The following LY9 variants were observed in gnomAD, a reference collection of about 807,000 sequenced individuals.
The protein encoded by LY9 is lymphocyte antigen 9.
In LY9, 59 loss-of-function variants were observed where a neutral mutation model predicts 64.6. That is an observed-to-expected ratio of 0.91 (90% CI 0.74 to 1.13). The LOEUF (loss-of-function observed/expected upper bound fraction) is 1.13, where lower values mean the gene tolerates loss of function less well. Ranked by LOEUF, LY9 falls within the 50% of genes most tolerant of loss-of-function variation. LY9 has a pLI of 0.00. For missense variants in LY9, 789 were observed against 797.2 expected, an observed-to-expected ratio of 0.99 and a Z score of 0.12; for synonymous variants, 281 against 308.5, an observed-to-expected ratio of 0.91 and a Z score of 0.93.
chr1:160,798,013 C>A (rs1198968322), intron 1 of LY9, among the ~76,000 whole-genome samples: 4 of 152,038 alleles, frequency 2.6e-5, no homozygotes, highest in Non-Finnish European at 5.9e-5. Context: ...TTTGAATGCT[C>A]TTTTATTATT....
chr1:160,812,833 C>G (rs979691161), intron 2 of LY9: 3 of 152,154 alleles, frequency 2.0e-5, no homozygotes, highest in African/African-American at 7.2e-5. Context: ...TGCCTGTAAT[C>G]CCAGCACTTT....
intron 1 of LY9, 95 bp from the exon 2 acceptor site, chr1:160,799,658 G>T: frequency 1.3e-6 from 1 of 765,268 alleles, no homozygotes. Flanking sequence ...CTCAGCATCT[G>T]ACATTTATGC....
chr1:160,800,053 C>G lies in LY9; in HGVS notation c.425C>G (p.Thr142Ser). The change falls in exon 2 of 10, where the codon ACT becomes AGT. Residue 142 changes from threonine (T) to serine (S), a missense_variant. Transcript: ENST00000263285. ...QINQRNFEVTTEEEFTLFVYE... is the reference protein window; with the variant it reads ...QINQRNFEVTSEEEFTLFVYE... Reference sequence around the variant, plus strand: ...AACCAAAGGAATTTTGAAGTCACCACTGAGGAGGAATTCACCCTGTTCGTC... The same window carrying G: ...AACCAAAGGAATTTTGAAGTCACCAGTGAGGAGGAATTCACCCTGTTCGTC... 1 of 1,613,914 alleles carries G rather than the reference C, an allele frequency of 6.2e-7. No individual in the cohort carries two copies. Among genetic ancestry groups the G allele is most frequent in the Non-Finnish European group, 8.5e-7 (1 of 1,179,804 alleles).
chr1:160,808,708 T>C (rs946804769), intron 2 of LY9, among the ~76,000 whole-genome samples: 3 of 152,240 alleles, frequency 2.0e-5, no homozygotes, highest in Non-Finnish European at 4.4e-5. Context: ...AATTCCAGCA[T>C]TCTCCCTTGG....
chr1:160,805,724 G>GTCTC (rs879340552), intron 2 of LY9, among the ~76,000 whole-genome samples: 1 of 137,616 alleles, frequency 7.3e-6, no homozygotes, highest in Admixed American at 7.5e-5. Context: ...TTCTGTTGCA[G>GTCTC]TCTCTCTCTC....
intron 8 of LY9, 142 bp from the exon 9 acceptor site, chr1:160,824,039 C>A (rs1228894569): frequency 2.0e-6 from 2 of 991,910 alleles, no homozygotes; most frequent in East Asian, 4.8e-5. Flanking sequence ...ACCAGAGGCA[C>A]CGTCCCCACT....
intron 7 of LY9, among the ~76,000 whole-genome samples, chr1:160,820,539 A>G (rs1668335557): frequency 6.6e-6 from 1 of 152,238 alleles, no homozygotes; most frequent in Non-Finnish European, 1.5e-5. Flanking sequence ...TTCTGATGGA[A>G]AAGCATAACC....
At chr1:160,799,702 C>T (rs1201352725) in intron 1 of LY9, 51 bp from the exon 2 acceptor site, 5 of 1,140,872 alleles carry the variant, frequency 4.4e-6, no homozygotes, top group East Asian at 2.4e-5. Context: ...AGAAAGAAGG[C>T]TAGCTCAAGG....
chr1:160,797,955 CTTTGG>C (rs1388686231), intron 1 of LY9, among the ~76,000 whole-genome samples: 3 of 152,030 alleles, frequency 2.0e-5, no homozygotes, highest in Non-Finnish European at 4.4e-5. Context: ...TACGTGCATT[CTTTGG>C]AAACTATTAA....
intron 2 of LY9, among the ~76,000 whole-genome samples, chr1:160,804,586 A>G (rs997233173): frequency 6.6e-6 from 1 of 152,022 alleles, no homozygotes; most frequent in African/African-American, 2.4e-5. Flanking sequence ...TGGTATTAGC[A>G]TAATGCTGGC....
intron 2 of LY9, chr1:160,811,391 G>A (rs970711902): frequency 1.3e-5 from 2 of 152,136 alleles, no homozygotes; most frequent in African/African-American, 4.8e-5. Context: ...CACAATCTTT[G>A]TGTTCTCTCC....
Position 160,824,263 on chromosome 1 carries a change from C to T in LY9, c.1899+14C>T, listed in dbSNP as rs77892641. The stretch of plus-strand genomic sequence containing the variant: ...CGGAAACCTCAGGTGGTGAGAACTA[C>T]ATTCTCTGTATCCCAAGGCCCACAG... On this transcript the variant is annotated intron_variant, in intron 9 of 9. Transcript: ENST00000263285. 1.2e-3 allele frequency: 1,986 copies of T among 1,614,050 alleles called. 27 individuals carry two copies. The African/African-American group carries it at 0.024, about 19-fold the overall frequency.
chr1:160,813,440 A>C, intron 2 of LY9, 196 bp from the exon 3 acceptor site: 1 of 600,584 alleles, frequency 1.7e-6, no homozygotes. Context: ...AGTCATGGTG[A>C]TAACACCTGT....
Position 160,814,405 on chromosome 1 carries a change from CATCTGTGACCCCAG to C in LY9, c.731-11_733del. On this transcript the variant is annotated splice_acceptor_variant and splice_polypyrimidine_tract_variant and intron_variant, in intron 3 of 9. Coordinates refer to ENST00000263285, the MANE Select transcript of LY9 (RefSeq NM_002348.4). LOFTEE classifies it high-confidence loss of function. ...GACAGTGACTGAAGCTGCAATGTCT[CATCTGTGACCCCAG>C]ATCCAGGAGCCTCCAGAGGAGGAAC... The C allele has an allele frequency of 6.3e-7, 1 of 1,581,352 alleles. No homozygotes were observed. The highest frequency in any genetic ancestry group is 8.6e-7 in the Non-Finnish European group (1 of 1,158,534).
chr1:160,799,809 G>A lies in LY9; in HGVS notation c.181G>A (p.Gly61Ser). The change falls in exon 2 of 10, where the codon GGT becomes AGT. Residue 61 changes from glycine (G) to serine (S), a missense_variant. By Grantham distance (56) the Gly-to-Ser change is moderately conservative. Coordinates refer to ENST00000263285, the MANE Select transcript of LY9 (RefSeq NM_002348.4). ...AACAGTGGTGTCAGGGATCCTAGGG[G>A]GTTCCGTGACTCTCCCCCTAAACAT... ...APTVVSGILG[G>S]SVTLPLNISV... 2 of 1,614,096 alleles carry A rather than the reference G, an allele frequency of 1.2e-6. No individual in the cohort carries two copies. Among genetic ancestry groups the A allele is most frequent in the Non-Finnish European group, 1.7e-6 (2 of 1,179,968 alleles).
intron 4 of LY9, among the ~76,000 whole-genome samples, chr1:160,815,531 C>A (rs1667880705): frequency 6.6e-6 from 1 of 152,132 alleles, no homozygotes; most frequent in Non-Finnish European, 1.5e-5. Context: ...GGACTACAGG[C>A]ACACGCCACC....
intron 9 of LY9, among the ~76,000 whole-genome samples, chr1:160,826,677 G>A (rs896258772): frequency 1.3e-5 from 2 of 152,206 alleles, no homozygotes; most frequent in African/African-American, 4.8e-5. Context: ...AGGAATTTGG[G>A]TTGGGCCTTA....
intron 1 of LY9, among the ~76,000 whole-genome samples, chr1:160,798,256 A>G (rs750676582): frequency 9.2e-5 from 14 of 152,270 alleles, no homozygotes; most frequent in Admixed American, 6.5e-4. Flanking sequence ...CTGGGCTTCC[A>G]GGATACAGAT....
intron 1 of LY9, among the ~76,000 whole-genome samples, chr1:160,796,577 G>C (rs1283529022): frequency 6.6e-6 from 1 of 151,982 alleles, no homozygotes; most frequent in African/African-American, 2.4e-5. Flanking sequence ...ATTTTTAGTA[G>C]GGGCAGGGTT....
Sources: gnomAD v4.1 joint callset for allele counts (sites outside exome capture counted in the v4.1 genomes callset) on GRCh38, gnomAD v4.1.1 for gene constraint, MANE v1.5 for transcripts, NCBI Gene and HGNC (gene_info 2026-07-23, HGNC 2026-07-21) for gene names.